The following VRK1 variants were observed in gnomAD, a reference collection of about 807,000 sequenced individuals.
VRK1 encodes the protein serine/threonine-protein kinase VRK1.
In VRK1, 33 loss-of-function variants were observed where a neutral mutation model predicts 57.1. The ratio of observed to expected loss-of-function variants is 0.58; its 90% CI spans 0.44 to 0.77. The LOEUF is 0.77. Ranked by LOEUF, VRK1 falls within the 30% of genes least tolerant of loss-of-function variation. The probability of loss-of-function intolerance (pLI) is 0.00; values close to 1 mark genes in which losing one functional copy is unlikely to be tolerated. For synonymous variants in VRK1, 137 were observed against 147.8 expected (o/e 0.93, Z 0.53); for missense variants, 413 against 477.3 (o/e 0.87, Z 1.25).
intron 1 of VRK1, among the ~76,000 whole-genome samples, chr14:96,805,684 A>G (rs184180960): frequency 6.6e-6 from 1 of 152,328 alleles, no homozygotes; most frequent in Admixed American, 6.5e-5. Flanking sequence ...TTCTGTTCCT[A>G]TTTAGAACAT....
chr14:96,844,823 AG>A (rs1216430225), intron 3 of VRK1, among the ~76,000 whole-genome samples: 3 of 152,210 alleles, frequency 2.0e-5, no homozygotes, highest in African/African-American at 7.2e-5. Flanking sequence ...ATGACAGGAC[AG>A]GCATGAGCCA....
At chr14:96,864,061 A>G (rs12882038) in intron 11 of VRK1, among the ~76,000 whole-genome samples, 48,197 of 152,136 alleles carry the variant, frequency 0.32, 8,452 homozygotes, top group South Asian at 0.42. Flanking sequence ...TATTTTAATT[A>G]TATAAATTTT....
At chr14:96,826,855 C>G (rs78408941) in intron 1 of VRK1, among the ~76,000 whole-genome samples, 1,634 of 152,178 alleles carry the variant, frequency 0.011, 23 homozygotes, top group South Asian at 0.056. Flanking sequence ...TGAAAAGCAA[C>G]AAGGAGATTG....
At chr14:96,816,537 T>C (rs1886401478) in intron 1 of VRK1, among the ~76,000 whole-genome samples, 1 of 152,152 alleles carries the variant, frequency 6.6e-6, no homozygotes, top group South Asian at 2.1e-4. Flanking sequence ...GATTTTAACA[T>C]CCTCTTACTG....
intron 1 of VRK1, among the ~76,000 whole-genome samples, chr14:96,808,653 CTGGACTTTTTTTTTTTT>C (rs1886016310): frequency 6.8e-6 from 1 of 146,950 alleles, no homozygotes; most frequent in South Asian, 2.2e-4. Flanking sequence ...ATAATGCCCT[CTGGACTTTTTTTTTTTT>C]TTTTTGCTTG....
At chr14:96,841,443 T>A (rs1343971836) in intron 3 of VRK1, among the ~76,000 whole-genome samples, 3 of 152,216 alleles carry the variant, frequency 2.0e-5, no homozygotes, top group African/African-American at 4.8e-5. Context: ...GTTTCCATTA[T>A]CCTTTATTAC....
rs1007774114 is a variant in VRK1, at chr14:96,860,676, G to A, written c.1009G>A (p.Gly337Ser). 3 of 1,613,376 alleles carry A rather than the reference G, an allele frequency of 1.9e-6. No individual in the cohort carries two copies. The highest frequency in any genetic ancestry group is 2.7e-5 in the African/African-American group (2 of 75,014). ...GLKAIGSKDDGKLDLSVVENG... is the reference protein window; with the variant it reads ...GLKAIGSKDDSKLDLSVVENG... ...AAAAGCTATAGGAAGTAAGGATGAT[G>A]GCAAATTGGACCTCAGTGTTGTGGA... Residue 337 changes from glycine (G) to serine (S), a missense_variant, in exon 11 of 13, where the codon GGC (glycine) becomes AGC (serine). Coordinates refer to ENST00000216639, the MANE Select transcript of VRK1 (RefSeq NM_003384.3).
chr14:96,831,288 G>T (rs955107722), intron 1 of VRK1, among the ~76,000 whole-genome samples: 15 of 152,180 alleles, frequency 9.9e-5, no homozygotes, highest in Non-Finnish European at 1.5e-4. Context: ...TGGTTGGAGA[G>T]GTTGTCCATA....
intron 11 of VRK1, among the ~76,000 whole-genome samples, chr14:96,865,771 T>TG (rs1888562383): frequency 6.6e-6 from 1 of 152,030 alleles, no homozygotes; most frequent in Non-Finnish European, 1.5e-5. Context: ...GTTTTTTTTT[T>TG]TTGGATTATC....
At chr14:96,833,366 G>C in intron 1 of VRK1, 101 bp from the exon 2 acceptor site, 1 of 1,389,718 alleles carries the variant, frequency 7.2e-7, no homozygotes, top group East Asian at 2.4e-5. Context: ...GAGTAAGTAG[G>C]AATTTGAACA....
chr14:96,877,293 A>T, intron 12 of VRK1: 1 of 297,484 alleles, frequency 3.4e-6, no homozygotes, highest in Non-Finnish European at 6.7e-6. Flanking sequence ...TTTTATTACT[A>T]TGTTCTTCAT....
Position 96,856,711 on chromosome 14 carries a change from G to T in VRK1, c.889+125G>T, listed in dbSNP as rs569514716. ...TGGCCAGGCATGGTGGCTCACACCT[G>T]TAATCCCAGCACTTTGGGAGGCTGA... On this transcript the variant is annotated intron_variant, in intron 10 of 12. Transcript: ENST00000216639. 6.7e-4 allele frequency: 542 copies of T among 809,850 alleles called. 2 individuals are homozygous for T. In the Middle Eastern group the frequency reaches 0.011, roughly 17 times the overall value. The allele number at this position is 809,850 out of a possible 1,614,324, so 50.2% of individuals were successfully genotyped here. A position where few individuals can be genotyped will look rare whatever the true frequency, so the allele number is the denominator to read the frequency against.
rs1334699252 is a variant in VRK1 at position 96,881,133 on chromosome 14, A to G, written c.1160-44A>G. The G allele has an allele frequency of 8.4e-6, 13 of 1,540,968 alleles. 1 individual carries two copies. Among genetic ancestry groups the G allele is most frequent in the Middle Eastern group, 1.8e-4 (1 of 5,670 alleles). ...TATATTTCTGTTCTTTTGCTTTTGT[A>G]AATTATTGACTAGTGATTTCAGTTT... is the stretch of plus-strand genomic sequence containing the variant. On this transcript the variant is annotated intron_variant, in intron 12 of 12. Transcript: ENST00000216639.
intron 1 of VRK1, among the ~76,000 whole-genome samples, chr14:96,828,906 A>C (rs142922794): frequency 6.6e-6 from 1 of 152,324 alleles, no homozygotes; most frequent in East Asian, 1.9e-4. Flanking sequence ...AGGGGCCAGC[A>C]AGAGCAAGAG....
intron 1 of VRK1, among the ~76,000 whole-genome samples, chr14:96,804,462 G>A (rs1363769273): frequency 6.6e-6 from 1 of 152,176 alleles, no homozygotes; most frequent in Non-Finnish European, 1.5e-5. Context: ...GAATAACATG[G>A]GCAAAGATCT....
At chr14:96,819,329 C>T (rs770888613) in intron 1 of VRK1, among the ~76,000 whole-genome samples, 3 of 152,066 alleles carry the variant, frequency 2.0e-5, no homozygotes, top group Non-Finnish European at 4.4e-5. Context: ...TCCTCAGATA[C>T]GGTAGACTTG....
intron 3 of VRK1, among the ~76,000 whole-genome samples, chr14:96,841,556 A>G (rs1266550118): frequency 3.9e-5 from 6 of 152,176 alleles, no homozygotes; most frequent in Non-Finnish European, 8.8e-5. Flanking sequence ...GAAGAATGTC[A>G]TAAACAAAAC....
intron 11 of VRK1, among the ~76,000 whole-genome samples, chr14:96,873,963 A>G (rs1888927352): frequency 6.6e-6 from 1 of 152,172 alleles, no homozygotes; most frequent in Non-Finnish European, 1.5e-5. Context: ...TTGTTGGTTG[A>G]ATACTGTCTG....
intron 5 of VRK1, among the ~76,000 whole-genome samples, chr14:96,849,235 A>T (rs919108191): frequency 6.6e-6 from 1 of 152,186 alleles, no homozygotes; most frequent in African/African-American, 2.4e-5. Flanking sequence ...AAAGGGGAGT[A>T]AGACAAGAAA....
Sources: allele counts gnomAD v4.1 joint callset (sites outside exome capture counted in the v4.1 genomes callset), GRCh38; gene constraint gnomAD v4.1.1; transcripts MANE v1.5; gene names NCBI Gene and HGNC (gene_info 2026-07-23, HGNC 2026-07-21).